Variants in SLC20A2 observed in about 807,000 individuals in gnomAD.
The protein encoded by SLC20A2 is sodium-dependent phosphate transporter 2.
A neutral mutation model predicts 61.0 loss-of-function variants in SLC20A2; 30 were observed. The ratio of observed to expected loss-of-function variants is 0.49; its 90% CI spans 0.37 to 0.67. The LOEUF is 0.67. Among genes scored for constraint, SLC20A2 ranks in the 30% least tolerant of loss-of-function variants. The pLI, the probability that SLC20A2 is intolerant of heterozygous loss-of-function variation, is 0.00. For synonymous variants in SLC20A2, 351 were observed against 353.3 expected, an observed-to-expected ratio of 0.99 and a Z score of 0.07; for missense variants, 626 against 866.4, an observed-to-expected ratio of 0.72 and a Z score of 3.48.
intron 1 of SLC20A2, among the ~76,000 whole-genome samples, chr8:42,530,651 G>C (rs1302240996): frequency 2.0e-5 from 3 of 152,108 alleles, no homozygotes; most frequent in Admixed American, 1.3e-4. Flanking sequence ...CTGGTAAACT[G>C]ATCAGGCTAA....
chr8:42,533,699 G>A (rs1264009297), intron 1 of SLC20A2, among the ~76,000 whole-genome samples: 6 of 55,292 alleles, frequency 1.1e-4, no homozygotes, highest in Non-Finnish European at 2.1e-4. Flanking sequence ...TTACTCTGTC[G>A]CCCAGGCTGG....
chr8:42,538,240 T>A (rs893084732), intron 1 of SLC20A2: 4 of 148,358 alleles, frequency 2.7e-5, no homozygotes, highest in Admixed American at 1.4e-4. Context: ...TTATATATAT[T>A]ATATATTACA....
intron 1 of SLC20A2, among the ~76,000 whole-genome samples, chr8:42,487,798 T>C (rs1809152270): frequency 6.6e-6 from 1 of 152,244 alleles, no homozygotes. Flanking sequence ...TCAGTGGCGT[T>C]AGGTATATTC....
intron 8 of SLC20A2, among the ~76,000 whole-genome samples, chr8:42,434,932 G>A (rs1232681779): frequency 1.3e-5 from 2 of 152,160 alleles, no homozygotes; most frequent in Non-Finnish European, 2.9e-5. Context: ...GCGTGTGTGT[G>A]TGCATCTGAG....
intron 1 of SLC20A2, among the ~76,000 whole-genome samples, chr8:42,526,464 G>A (rs551205969): frequency 1.3e-4 from 20 of 152,066 alleles, no homozygotes; most frequent in Non-Finnish European, 4.4e-5. Context: ...ACTAGGTCAG[G>A]AGATCGAGAC....
At chr8:42,492,157 C>A (rs547931879) in intron 1 of SLC20A2, among the ~76,000 whole-genome samples, 1 of 152,264 alleles carries the variant, frequency 6.6e-6, no homozygotes, top group African/African-American at 2.4e-5. Flanking sequence ...GAGTTCGAGA[C>A]CAGCCTGGCC....
chr8:42,523,488 C>T (rs1413340515), intron 1 of SLC20A2, among the ~76,000 whole-genome samples: 1 of 152,088 alleles, frequency 6.6e-6, no homozygotes, highest in Non-Finnish European at 1.5e-5. Flanking sequence ...TGAGACAGGG[C>T]TAGTATCTCA....
Position 42,472,840 on chromosome 8 carries a change from A to T in SLC20A2, c.-264-186T>A, listed in dbSNP as rs1807754794. On this transcript the variant is annotated intron_variant, in intron 1 of 10. Coordinates refer to ENST00000520262, the MANE Select transcript of SLC20A2 (RefSeq NM_001257180.2). The surrounding 1 kb of genome is among the most constrained non-coding windows in gnomAD (Gnocchi z 4.1). Reference sequence around the variant, plus strand: ...CACCCCCAACCAAAAACACAAAAAAACCTGCTTTCTAGAATTGTCAGGAGT... The same window carrying T: ...CACCCCCAACCAAAAACACAAAAAATCCTGCTTTCTAGAATTGTCAGGAGT... Among the ~76,000 whole-genome samples the T allele has an allele frequency of 6.6e-6, 1 of 152,202 alleles. No individual in the cohort carries two copies.
chr8:42,536,051 G>A (rs1812675167), intron 1 of SLC20A2, among the ~76,000 whole-genome samples: 1 of 152,148 alleles, frequency 6.6e-6, no homozygotes, highest in Admixed American at 6.5e-5. Flanking sequence ...TCAGGGAAGA[G>A]TCTGAAATGA....
rs753362754 is a variant in SLC20A2, at chr8:42,437,029, C to A, written c.1483G>T (p.Ala495Ser). The A allele has an allele frequency of 2.5e-6, 4 of 1,612,138 alleles. No homozygotes were observed. Among genetic ancestry groups the A allele is most frequent in the African/African-American group, 1.3e-5 (1 of 75,034 alleles). The change falls in exon 8 of 11, where the codon GCC becomes TCC. Residue 495 changes from alanine to serine, a missense_variant. Around this residue, in one of 3 missense-constraint regions of SLC20A2, gnomAD observed 138 missense variants for 228.7 expected, o/e 0.60. Transcript: ENST00000520262. This position sits in a 1 kb window ranked among gnomAD's most constrained non-coding sequence, Gnocchi z 6.4. ...LLFHFLQVLT[A>S]CFGSFAHGGN... Reference sequence around the variant, plus strand: ...CCGTGAGCAAAGGACCCGAAACAGGCGGTGAGGACCTGCAGGAAATGGAAC... The same window carrying A: ...CCGTGAGCAAAGGACCCGAAACAGGAGGTGAGGACCTGCAGGAAATGGAAC...
intron 6 of SLC20A2, among the ~76,000 whole-genome samples, chr8:42,441,937 G>T (rs1360343362): frequency 6.6e-6 from 1 of 150,926 alleles, no homozygotes; most frequent in Admixed American, 6.6e-5. Context: ...TTATCAAGTT[G>T]TCCTTTTTTT....
In SLC20A2 at chr8:42,522,172, G is replaced by T. The variant is rs1223689205; in HGVS notation, c.-265+19649C>A. Reference sequence around the variant, plus strand: ...AGAGGAGAAGACTGCCAGAATAATAGTGAGCAAGCAGTTATCACGTCCCAG... The same window carrying T: ...AGAGGAGAAGACTGCCAGAATAATATTGAGCAAGCAGTTATCACGTCCCAG... On this transcript the variant is annotated intron_variant, in intron 1 of 10. Coordinates refer to the SLC20A2 transcript ENST00000342228. 1.7e-5 allele frequency among the ~76,000 whole-genome samples: 2 copies of T among 121,166 alleles called. 1 individual carries two copies. Among genetic ancestry groups the T allele is most frequent in the East Asian group, 5.4e-4 (2 of 3,736 alleles). The allele number at this position is 121,166 out of a possible 152,430, so 79.5% of individuals were successfully genotyped here. A position where few individuals can be genotyped will look rare whatever the true frequency, so the allele number is the denominator to read the frequency against.
chr8:42,481,955 G>A (rs894127012), intron 1 of SLC20A2, among the ~76,000 whole-genome samples: 1 of 152,060 alleles, frequency 6.6e-6, no homozygotes, highest in African/African-American at 2.4e-5. Flanking sequence ...ATATTTAGAT[G>A]TTTTCCACAC....
intron 9 of SLC20A2, among the ~76,000 whole-genome samples, chr8:42,429,175 T>A (rs146474755): frequency 0.01 from 1,557 of 152,354 alleles, 33 homozygotes; most frequent in African/African-American, 0.034. Flanking sequence ...GCTCTCATTT[T>A]AAAAATGTGC....
chr8:42,528,802 G>T (rs970745817), intron 1 of SLC20A2, among the ~76,000 whole-genome samples: 1 of 151,808 alleles, frequency 6.6e-6, no homozygotes, highest in Non-Finnish European at 1.5e-5. Flanking sequence ...GAGTAGCCAG[G>T]ATTATAGGCA....
At chr8:42,424,609 C>T (rs1244104453) in intron 10 of SLC20A2, among the ~76,000 whole-genome samples, 1 of 152,226 alleles carries the variant, frequency 6.6e-6, no homozygotes, top group African/African-American at 2.4e-5. Context: ...ATCAAACAGA[C>T]TGCCTTATAT....
intron 2 of SLC20A2, among the ~76,000 whole-genome samples, chr8:42,467,363 T>A (rs1807255855): frequency 6.6e-6 from 1 of 152,168 alleles, no homozygotes; most frequent in Non-Finnish European, 1.5e-5. Flanking sequence ...CATAAGCAGA[T>A]CAGATTTTGT....
intron 1 of SLC20A2, among the ~76,000 whole-genome samples, chr8:42,513,017 CTAAAG>C (rs1446230191): frequency 1.3e-5 from 2 of 152,218 alleles, no homozygotes; most frequent in Non-Finnish European, 2.9e-5. Flanking sequence ...AGATCATTTA[CTAAAG>C]TAATCTCTCT....
At chr8:42,525,546 C>T (rs1021550561) in intron 1 of SLC20A2, among the ~76,000 whole-genome samples, 2 of 136,532 alleles carry the variant, frequency 1.5e-5, no homozygotes, top group African/African-American at 5.6e-5. Context: ...CGCACCACTG[C>T]ACTCCAGCCT....
Sources: gnomAD v4.1 joint callset for allele counts (sites outside exome capture counted in the v4.1 genomes callset) on GRCh38, gnomAD v4.1.1 for gene constraint, gnomAD v4.1.1 regional missense constraint, Gnocchi (gnomAD v3.1) non-coding constraint, MANE v1.5 for transcripts, NCBI Gene and HGNC (gene_info 2026-07-23, HGNC 2026-07-21) for gene names.